The following RIMBP2 variants were observed in gnomAD, a reference collection of about 807,000 sequenced individuals.
RIMBP2 encodes RIMS-binding protein 2.
A neutral mutation model predicts 118.6 loss-of-function variants in RIMBP2; 48 were observed. The ratio of observed to expected loss-of-function variants is 0.40; its 90% CI spans 0.32 to 0.51. The LOEUF (loss-of-function observed/expected upper bound fraction) is 0.51. RIMBP2 is among the 20% of genes least tolerant of loss of function. The probability of loss-of-function intolerance (pLI) is 0.41; values close to 1 mark genes in which losing one functional copy is unlikely to be tolerated. For synonymous variants in RIMBP2, 762 were observed against 742.9 expected, an observed-to-expected ratio of 1.03 and a Z score of -0.42; for missense variants, 1,551 against 1,768.3, an observed-to-expected ratio of 0.88 and a Z score of 2.20.
Position 130,450,213 on chromosome 12 carries a change from C to G in RIMBP2, c.568G>C (p.Val190Leu), listed in dbSNP as rs1407713764. ...GGCCGCACTTACCTATAGCGGGCAACACAGAGGTGGACCTTCCCCGAGTAT... is the reference window on the plus strand; with the variant it reads ...GGCCGCACTTACCTATAGCGGGCAAGACAGAGGTGGACCTTCCCCGAGTAT... ...QRYSGKVHLC[V>L]ARYSYNPFDG... The change falls in exon 9 of 23, where the codon GTT becomes CTT. Residue 190 changes from valine to leucine, a missense_variant. By Grantham distance (32) the Val-to-Leu change is conservative. Coordinates refer to ENST00000690449, the MANE Select transcript of RIMBP2 (RefSeq NM_001393629.1). This position sits in a 1 kb window ranked among gnomAD's most constrained non-coding sequence, Gnocchi z 4.8. 2 of 1,607,476 alleles carry G rather than the reference C, an allele frequency of 1.2e-6. No individual in the cohort carries two copies. The highest frequency in any genetic ancestry group is 1.7e-6 in the Non-Finnish European group (2 of 1,176,478).
chr12:130,628,843 A>G lies in RIMBP2; in HGVS notation c.-351-387T>C, dbSNP rs77976981. ...GGGACAGAATTGAGGGCACAAGTCA[A>G]TAACTGGGCATGCACTGCACATATC... is the stretch of plus-strand genomic sequence containing the variant. On this transcript the variant is annotated intron_variant, in intron 1 of 22. Transcript: ENST00000690449. Among the ~76,000 whole-genome samples, 355 of 152,344 alleles carry G rather than the reference A, an allele frequency of 2.3e-3. 1 individual carries two copies. The highest frequency in any genetic ancestry group is 8.0e-3 in the African/African-American group (332 of 41,574).
intron 2 of RIMBP2, among the ~76,000 whole-genome samples, chr12:130,569,668 C>G (rs147900342): frequency 1.1e-4 from 16 of 152,270 alleles, no homozygotes; most frequent in Admixed American, 3.9e-4. Context: ...CATTTAAAAG[C>G]GTGCAGCCCC....
At chr12:130,488,121 C>T (rs1333319906) in intron 4 of RIMBP2, among the ~76,000 whole-genome samples, 1 of 152,110 alleles carries the variant, frequency 6.6e-6, no homozygotes, top group South Asian at 2.1e-4. Context: ...TAGACTTTAA[C>T]ACTTGAGGAG....
chr12:130,659,388 G>A (rs543263218), intron 1 of RIMBP2, among the ~76,000 whole-genome samples: 2 of 151,506 alleles, frequency 1.3e-5, no homozygotes, highest in African/African-American at 4.8e-5. Context: ...TGGCTAACAC[G>A]GTGAAACCCC....
rs531208504 is a variant in RIMBP2 at position 130,439,366 on chromosome 12, T to G, written c.1505-850A>C. Among the ~76,000 whole-genome samples, 4 of 150,198 alleles carry G rather than the reference T, an allele frequency of 2.7e-5. No individual in the cohort carries two copies. In the South Asian group the frequency reaches 8.4e-4, roughly 32 times the overall value. On this transcript the variant is annotated intron_variant, in intron 11 of 22. Transcript: ENST00000690449. ...GTGTAGATGTGTGGGCATGCGTATG[T>G]GTGTATGTGGGTGTGTGTATGTGGA...
rs145217312 is a variant in RIMBP2, at chr12:130,420,597, TA to T, written c.3238+1855del. 2.0e-3 allele frequency among the ~76,000 whole-genome samples: 297 copies of T among 151,428 alleles called. 1 individual carries two copies. The highest frequency in any genetic ancestry group is 6.8e-3 in the African/African-American group (279 of 41,298). On this transcript the variant is annotated intron_variant, in intron 17 of 22. Transcript: ENST00000690449. The surrounding 1 kb of genome is among the most constrained non-coding windows in gnomAD (Gnocchi z 4.3). ...TTCTCACTGCTGATGAATGCAGTTT[TA>T]AAAAAAAAGTCTCAACAATATACAG...
intron 6 of RIMBP2, among the ~76,000 whole-genome samples, chr12:130,462,456 G>A (rs375878203): frequency 3.3e-5 from 5 of 152,282 alleles, no homozygotes; most frequent in Admixed American, 1.3e-4. Context: ...CACGCTACTC[G>A]GCGTGACCAT....
chr12:130,504,526 C>T (rs948015561), intron 4 of RIMBP2, among the ~76,000 whole-genome samples: 3 of 152,068 alleles, frequency 2.0e-5, no homozygotes, highest in African/African-American at 7.2e-5. Flanking sequence ...AGGTGGAGCG[C>T]GAGGCCCTGA....
intron 1 of RIMBP2, among the ~76,000 whole-genome samples, chr12:130,700,780 G>C (rs1275807760): frequency 6.6e-6 from 1 of 152,210 alleles, no homozygotes; most frequent in Non-Finnish European, 1.5e-5. Context: ...GCAGGAAACT[G>C]ATCCAACCAC....
chr12:130,607,110 A>T (rs1051816483), intron 2 of RIMBP2, among the ~76,000 whole-genome samples: 1 of 152,106 alleles, frequency 6.6e-6, no homozygotes, highest in Admixed American at 6.5e-5. Flanking sequence ...GATTACAGGT[A>T]TGAGCCACCA....
In RIMBP2 at chr12:130,686,811, G is replaced by A. The variant is rs111966630; in HGVS notation, c.-352+29411C>T. The stretch of plus-strand genomic sequence containing the variant: ...CAGGGCCGGAGGAGGAAGGGGTGTG[G>A]ACTGGAAAAGGTGTCGAGGCGGGAA... On this transcript the variant is annotated intron_variant, in intron 1 of 22. Coordinates refer to ENST00000690449, the MANE Select transcript of RIMBP2 (RefSeq NM_001393629.1). Among the ~76,000 whole-genome samples, 645 of 152,318 alleles carry A rather than the reference G, an allele frequency of 4.2e-3. 6 individuals are homozygous for A. The highest frequency in any genetic ancestry group is 0.015 in the African/African-American group (615 of 41,572).
Position 130,434,913 on chromosome 12 carries a change from C to A in RIMBP2, c.2107-33G>T. 1 of 1,579,726 alleles carries A rather than the reference C, an allele frequency of 6.3e-7. No homozygotes were observed. The highest frequency in any genetic ancestry group is 8.6e-7 in the Non-Finnish European group (1 of 1,162,798). ...AGAAAAAGGAGGCACACGGGTGAGGCAGGGCCACCTTCAGCTACGCTCAGC... is the reference window on the plus strand; with the variant it reads ...AGAAAAAGGAGGCACACGGGTGAGGAAGGGCCACCTTCAGCTACGCTCAGC... On this transcript the variant is annotated intron_variant, in intron 13 of 22. Coordinates refer to ENST00000690449, the MANE Select transcript of RIMBP2 (RefSeq NM_001393629.1). The surrounding 1 kb of genome is among the most constrained non-coding windows in gnomAD (Gnocchi z 5.7).
chr12:130,405,125 AC>A (rs1326754364), intron 21 of RIMBP2, among the ~76,000 whole-genome samples: 8 of 152,120 alleles, frequency 5.3e-5, no homozygotes, highest in Admixed American at 2.6e-4. Context: ...TTTAGGCATG[AC>A]CCCCAAGGCA....
intron 4 of RIMBP2, among the ~76,000 whole-genome samples, chr12:130,495,935 T>TA (rs2049109083): frequency 6.6e-6 from 1 of 152,234 alleles, no homozygotes; most frequent in African/African-American, 2.4e-5. Context: ...CTGGTCTAAC[T>TA]AAAAGCCCAA....
At chr12:130,632,681 TA>T (rs969753384) in intron 1 of RIMBP2, among the ~76,000 whole-genome samples, 1 of 152,128 alleles carries the variant, frequency 6.6e-6, no homozygotes, top group African/African-American at 2.4e-5. Context: ...TGATAGGGCA[TA>T]AAAAACTACT....
Position 130,396,606 on chromosome 12 carries a change from G to GAAAACC in RIMBP2, c.*749_*754dup, listed in dbSNP as rs1391324464. The stretch of plus-strand genomic sequence containing the variant: ...TGGCATTTTGACAACGAAAGTAACA[G>GAAAACC]AAAACCATATGCCACAGAATAGAAC... On this transcript the variant is annotated 3_prime_UTR_variant, in exon 23 of 23. Transcript: ENST00000690449. The GAAAACC allele has an allele frequency of 1.3e-5, 2 of 152,662 alleles. No homozygotes were observed. Among genetic ancestry groups the GAAAACC allele is most frequent in the African/African-American group, 4.8e-5 (2 of 41,462 alleles). The allele number at this position is 152,662 out of a possible 1,614,324, so 9.5% of individuals were successfully genotyped here.
chr12:130,632,706 T>C (rs1473203008), intron 1 of RIMBP2, among the ~76,000 whole-genome samples: 1 of 152,218 alleles, frequency 6.6e-6, no homozygotes, highest in Non-Finnish European at 1.5e-5. Flanking sequence ...TATGGTTACA[T>C]GTGAAGTATG....
At chr12:130,572,829 C>A (rs1244125153) in intron 2 of RIMBP2, among the ~76,000 whole-genome samples, 13 of 151,894 alleles carry the variant, frequency 8.6e-5, no homozygotes, top group Admixed American at 5.2e-4. Flanking sequence ...CGGGACGGGG[C>A]CAGAGGGATG....
intron 2 of RIMBP2, among the ~76,000 whole-genome samples, chr12:130,547,390 T>C (rs1435353418): frequency 2.6e-5 from 4 of 152,246 alleles, no homozygotes; most frequent in Non-Finnish European, 5.9e-5. Flanking sequence ...CTGATTAATA[T>C]AAACATTACC....
Sources: allele counts gnomAD v4.1 joint callset (sites outside exome capture counted in the v4.1 genomes callset), GRCh38; gene constraint gnomAD v4.1.1; non-coding constraint Gnocchi (gnomAD v3.1); transcripts MANE v1.5; gene names NCBI Gene and HGNC (gene_info 2026-07-23, HGNC 2026-07-21).